Variants in RBFOX1 observed in about 807,000 individuals in gnomAD.
The protein encoded by RBFOX1 is RNA binding protein fox-1 homolog 1.
RBFOX1 carries 8 observed loss-of-function variants against 57.7 expected under a neutral mutation model. That is an observed-to-expected ratio of 0.14 (90% CI 0.08 to 0.25). The LOEUF is 0.25. Among genes scored for constraint, RBFOX1 ranks in the 10% least tolerant of loss-of-function variants. RBFOX1 has a pLI of 1.00. For missense variants in RBFOX1, 611 were observed against 548.5 expected (o/e 1.11, Z -1.14); for synonymous variants, 326 against 222.4 (o/e 1.47, Z -4.15).
chr16:7,510,429 T>G, intron 4 of RBFOX1: 1 of 792,474 alleles, frequency 1.3e-6, no homozygotes, highest in South Asian at 5.8e-5. Flanking sequence ...GCTGCTTGAA[T>G]CATGCCCGGG....
chr16:7,193,020 C>G, intron 4 of RBFOX1, among the ~76,000 whole-genome samples: 1 of 152,174 alleles, frequency 6.6e-6, no homozygotes, highest in South Asian at 2.1e-4. Flanking sequence ...CTTGCCTTAC[C>G]TATGGCCATG....
intron 15 of RBFOX1, chr16:7,709,724 G>C (rs2083628542): frequency 1.1e-6 from 1 of 913,964 alleles, no homozygotes; most frequent in African/African-American, 2.0e-5. Context: ...TTTTGTTTTG[G>C]GGCAGGTCTG....
At position 6,049,037 on chromosome 16, in the gene RBFOX1, T is replaced by G. The variant is rs149630545; in HGVS notation, c.-127+29045T>G. Among the ~76,000 whole-genome samples, 799 of 151,112 alleles carry G rather than the reference T, an allele frequency of 5.3e-3. 5 individuals are homozygous for G. The highest frequency in any genetic ancestry group is 0.017 in the African/African-American group (701 of 41,256). ...TTGTGCCATTTTGACGATCGACCCC[T>G]TACATCTTCTAACAGCTTTTTTTTT... On this transcript the variant is annotated intron_variant, in intron 1 of 15. Transcript: ENST00000550418.
In RBFOX1 at chr16:5,850,608, C is replaced by T. The variant is rs75640868; in HGVS notation, c.319-16695C>T. Among the ~76,000 whole-genome samples, 1,020 of 152,272 alleles carry T rather than the reference C, an allele frequency of 6.7e-3. 10 individuals are homozygous for T. The highest frequency in any genetic ancestry group is 0.011 in the Non-Finnish European group (716 of 68,024). On this transcript the variant is annotated intron_variant, in intron 3 of 19. Coordinates refer to the RBFOX1 transcript ENST00000641259. ...GCATGTTTACTCCCAGAACTATTTTCGGTGTCTTATGTGCATGATCACATT... is the reference window on the plus strand; with the variant it reads ...GCATGTTTACTCCCAGAACTATTTTTGGTGTCTTATGTGCATGATCACATT...
At chr16:6,466,390 T>G (rs2095051511) in intron 2 of RBFOX1, among the ~76,000 whole-genome samples, 1 of 152,172 alleles carries the variant, frequency 6.6e-6, no homozygotes, top group Non-Finnish European at 1.5e-5. Flanking sequence ...TGTTATTTAG[T>G]TTTAGAATCC....
At chr16:7,343,423 G>T (rs937214326) in intron 4 of RBFOX1, among the ~76,000 whole-genome samples, 3 of 152,206 alleles carry the variant, frequency 2.0e-5, no homozygotes, top group Admixed American at 6.5e-5. Flanking sequence ...CTGACCAGCA[G>T]TGGGATTTGG....
intron 3 of RBFOX1, among the ~76,000 whole-genome samples, chr16:6,751,109 G>A (rs2074854515): frequency 6.6e-6 from 1 of 152,134 alleles, no homozygotes; most frequent in African/African-American, 2.4e-5. Flanking sequence ...TAGGACATAG[G>A]TTTGAATAGC....
At chr16:7,067,788 T>C (rs1332802672) in intron 4 of RBFOX1, among the ~76,000 whole-genome samples, 1 of 150,498 alleles carries the variant, frequency 6.6e-6, no homozygotes, top group Non-Finnish European at 1.5e-5. Flanking sequence ...ATGTGTTGTT[T>C]GATTTTTTGT....
intron 4 of RBFOX1, among the ~76,000 whole-genome samples, chr16:7,272,801 G>A (rs1447316348): frequency 2.0e-5 from 3 of 152,052 alleles, no homozygotes; most frequent in Admixed American, 1.3e-4. Flanking sequence ...CAGAACCAGT[G>A]ACTCTTGTTT....
chr16:6,658,588 T>C (rs908699199), intron 3 of RBFOX1, among the ~76,000 whole-genome samples: 1 of 152,212 alleles, frequency 6.6e-6, no homozygotes, highest in Admixed American at 6.5e-5. Flanking sequence ...AGACTCTTCA[T>C]AGAATAAAAG....
chr16:6,837,727 CATT>C (rs1198152492), intron 3 of RBFOX1, among the ~76,000 whole-genome samples: 1 of 152,148 alleles, frequency 6.6e-6, no homozygotes, highest in Non-Finnish European at 1.5e-5. Context: ...TTCAGATAAA[CATT>C]AGTTATCTTT....
chr16:6,496,607 AG>A (rs1382614046), intron 2 of RBFOX1, among the ~76,000 whole-genome samples: 12 of 152,176 alleles, frequency 7.9e-5, no homozygotes, highest in African/African-American at 2.9e-4. Flanking sequence ...AGAAAATCAA[AG>A]CAAGTTGCCC....
At chr16:7,630,848 C>A (rs942107473) in intron 11 of RBFOX1, among the ~76,000 whole-genome samples, 165 bp downstream of exon 11, 4 of 152,272 alleles carry the variant, frequency 2.6e-5, no homozygotes, top group African/African-American at 9.6e-5. Context: ...CATGCCACTT[C>A]CCAGATGTCC....
chr16:5,688,487 A>T lies in RBFOX1; in HGVS notation c.318+89526A>T, dbSNP rs528675140. On this transcript the variant is annotated intron_variant, in intron 3 of 19. Transcript: ENST00000641259. The stretch of plus-strand genomic sequence containing the variant: ...TAGCCTCTTGAACGATGCATTTCCT[A>T]TTTGTAAGAATACAGAGAGGTGGTT... Among the ~76,000 whole-genome samples the T allele has an allele frequency of 3.3e-5, 5 of 152,232 alleles. No homozygotes were observed. In the East Asian group the frequency reaches 9.6e-4, roughly 29 times the overall value.
chr16:5,758,333 G>A (rs2053472280), intron 3 of RBFOX1, among the ~76,000 whole-genome samples: 1 of 152,174 alleles, frequency 6.6e-6, no homozygotes. Flanking sequence ...TATAACAGTA[G>A]TGCCATAATT....
chr16:6,395,381 A>G (rs928090124), intron 2 of RBFOX1, among the ~76,000 whole-genome samples: 1 of 152,194 alleles, frequency 6.6e-6, no homozygotes, highest in Non-Finnish European at 1.5e-5. Context: ...TTATCCATGC[A>G]TTTTAATAAT....
chr16:6,085,029 G>T (rs1405428775), intron 1 of RBFOX1, among the ~76,000 whole-genome samples: 1 of 152,160 alleles, frequency 6.6e-6, no homozygotes, highest in Non-Finnish European at 1.5e-5. Flanking sequence ...ATTCACTTCT[G>T]TCCTCAGCGT....
chr16:6,876,108 C>A (rs528170491), intron 3 of RBFOX1, among the ~76,000 whole-genome samples: 2 of 151,692 alleles, frequency 1.3e-5, no homozygotes, highest in East Asian at 1.9e-4. Context: ...GAAGGAACCC[C>A]GGAGATTGAG....
At chr16:6,281,904 GC>G (rs939548492) in intron 1 of RBFOX1, among the ~76,000 whole-genome samples, 1 of 152,080 alleles carries the variant, frequency 6.6e-6, no homozygotes, top group Non-Finnish European at 1.5e-5. Flanking sequence ...CTACCCCACT[GC>G]CCGCCTGAGT....
Sources: allele counts gnomAD v4.1 joint callset (sites outside exome capture counted in the v4.1 genomes callset), GRCh38; gene constraint gnomAD v4.1.1; transcripts MANE v1.5; gene names NCBI Gene and HGNC (gene_info 2026-07-23, HGNC 2026-07-21).